The following MTCL1 variants were observed in gnomAD, a reference collection of about 807,000 sequenced individuals.
MTCL1 encodes microtubule cross-linking factor 1.
Under a neutral mutation model 141.4 loss-of-function variants are expected in MTCL1, and 79 were observed. The ratio of observed to expected loss-of-function variants is 0.56; its 90% CI spans 0.47 to 0.67. The LOEUF (loss-of-function observed/expected upper bound fraction) is 0.67. Among genes scored for constraint, MTCL1 ranks in the 30% least tolerant of loss-of-function variants. MTCL1 has a pLI of 0.00. For synonymous variants in MTCL1, 914 were observed against 875.8 expected, an observed-to-expected ratio of 1.04 and a Z score of -0.77; for missense variants, 2,177 against 2,113.9, an observed-to-expected ratio of 1.03 and a Z score of -0.59.
chr18:8,783,716 A>G lies in MTCL1; in HGVS notation c.604A>G (p.Thr202Ala), dbSNP rs201111042. ...GGGGGAAGCAGGCGGGCCCCCCAGC[A>G]CCCGGGAGGCCGAGCTGAAGCTGCG... The change falls in exon 6 of 17, where the codon ACC becomes GCC. Residue 202 changes from threonine to alanine, a missense_variant. Physicochemically the swap from Thr to Ala is moderately conservative, Grantham distance 58. Coordinates refer to ENST00000359865, the Ensembl canonical transcript of MTCL1. 9.6e-5 allele frequency: 154 copies of G among 1,606,934 alleles called. No individual in the cohort carries two copies. Among genetic ancestry groups the G allele is most frequent in the Non-Finnish European group, 1.1e-4 (134 of 1,176,796 alleles).
chr18:8,829,289 G>A (rs1372846668), intron 16 of MTCL1: 1 of 985,314 alleles, frequency 1.0e-6, no homozygotes, highest in Non-Finnish European at 1.2e-6. Context: ...GACATCCTAG[G>A]CACAGGGGTC....
chr18:8,784,678 C>T, exon 6 of MTCL1: 1 of 1,614,184 alleles, frequency 6.2e-7, no homozygotes, highest in Non-Finnish European at 8.5e-7. Flanking sequence ...TGAAGGCTTT[C>T]AAGAAAGAGC....
At chr18:8,742,039 CAA>C (rs56116437) in intron 4 of MTCL1, among the ~76,000 whole-genome samples, 1 of 139,422 alleles carries the variant, frequency 7.2e-6, no homozygotes, top group Admixed American at 7.0e-5. Flanking sequence ...TAATGCAGGG[CAA>C]AAAAAAAAAG....
intron 4 of MTCL1, among the ~76,000 whole-genome samples, chr18:8,756,023 GC>G (rs2096395738): frequency 6.6e-6 from 1 of 152,174 alleles, no homozygotes; most frequent in African/African-American, 2.4e-5. Context: ...TGTAATCCCA[GC>G]TACTCAGGAG....
At chr18:8,809,055 GAAGA>G (rs2076394427) in intron 11 of MTCL1, among the ~76,000 whole-genome samples, 2 of 152,156 alleles carry the variant, frequency 1.3e-5, no homozygotes, top group South Asian at 4.2e-4. Context: ...AAAGTATCAT[GAAGA>G]AAGGAGCATG....
upstream of MTCL1, among the ~76,000 whole-genome samples, chr18:8,715,736 A>C (rs972274970): frequency 1.3e-5 from 2 of 152,202 alleles, no homozygotes; most frequent in Non-Finnish European, 2.9e-5. Flanking sequence ...AAGAGTGACA[A>C]CCACAAGGCT....
intron 10 of MTCL1, among the ~76,000 whole-genome samples, chr18:8,803,912 G>A (rs924062216): frequency 6.6e-6 from 1 of 152,156 alleles, no homozygotes; most frequent in African/African-American, 2.4e-5. Flanking sequence ...TGTGGTGTAT[G>A]GGCCAAGAAC....
At chr18:8,727,873 T>C (rs960102571) in intron 4 of MTCL1, among the ~76,000 whole-genome samples, 6 of 147,752 alleles carry the variant, frequency 4.1e-5, no homozygotes, top group African/African-American at 5.0e-5. Flanking sequence ...TCTCTCTCTC[T>C]CCCTGCTTCC....
chr18:8,819,945 A>G (rs2076787800), intron 13 of MTCL1, among the ~76,000 whole-genome samples: 1 of 152,140 alleles, frequency 6.6e-6, no homozygotes, highest in Admixed American at 6.5e-5. Context: ...CAGTCTTCTG[A>G]GTCTAGAAAA....
chr18:8,743,495 G>A (rs150084646), intron 4 of MTCL1, among the ~76,000 whole-genome samples: 74 of 152,322 alleles, frequency 4.9e-4, no homozygotes, highest in Admixed American at 1.2e-3. Context: ...TAGTACTGTC[G>A]TTCAGATGTC....
chr18:8,765,868 C>T (rs1445977876), intron 4 of MTCL1, among the ~76,000 whole-genome samples: 4 of 152,212 alleles, frequency 2.6e-5, no homozygotes, highest in Non-Finnish European at 5.9e-5. Flanking sequence ...GGCAGAGCTT[C>T]CAGCAAACAG....
At chr18:8,715,039 G>T (rs1055550173), upstream of MTCL1, among the ~76,000 whole-genome samples, 1 of 152,030 alleles carries the variant, frequency 6.6e-6, no homozygotes, top group Non-Finnish European at 1.5e-5. Context: ...CTTGTGATCC[G>T]CCCGCCTCGG....
At chr18:8,757,704 G>C (rs921140548) in intron 4 of MTCL1, among the ~76,000 whole-genome samples, 3 of 152,146 alleles carry the variant, frequency 2.0e-5, no homozygotes, top group Non-Finnish European at 4.4e-5. Context: ...GCATTTTTGA[G>C]ATTTTTTTTT....
At chr18:8,800,782 T>A (rs1312546453) in intron 10 of MTCL1, 2 of 152,188 alleles carry the variant, frequency 1.3e-5, no homozygotes, top group African/African-American at 4.8e-5. Context: ...CACAAGGTGA[T>A]TAATGGTGTG....
intron 10 of MTCL1, chr18:8,801,651 G>A (rs967384363): frequency 6.6e-6 from 1 of 152,178 alleles, no homozygotes; most frequent in Non-Finnish European, 1.5e-5. Context: ...TTTGCCACAG[G>A]CCTTCCAAAG....
exon 15 of MTCL1, chr18:8,825,221 G>T (rs1442019514): frequency 1.3e-6 from 2 of 1,596,570 alleles, no homozygotes; most frequent in Non-Finnish European, 1.7e-6. Flanking sequence ...TGCTCAGCAG[G>T]TGGCCTTGCA....
At chr18:8,715,643 G>A (rs1255394815), upstream of MTCL1, among the ~76,000 whole-genome samples, 2 of 152,208 alleles carry the variant, frequency 1.3e-5, no homozygotes, top group African/African-American at 2.4e-5. Context: ...CTCAAAGTCT[G>A]ATCCATTAGT....
chr18:8,762,796 A>G (rs1396521222), intron 4 of MTCL1, among the ~76,000 whole-genome samples: 1 of 152,196 alleles, frequency 6.6e-6, no homozygotes, highest in Non-Finnish European at 1.5e-5. Flanking sequence ...CAGGAAAAGC[A>G]GGAGGACTGA....
chr18:8,736,361 C>T (rs540738323), intron 4 of MTCL1, among the ~76,000 whole-genome samples: 8 of 152,244 alleles, frequency 5.3e-5, no homozygotes, highest in Non-Finnish European at 1.0e-4. Context: ...GTCAAAAATG[C>T]ATTTAATACA....
Sources: gnomAD v4.1 joint callset for allele counts (sites outside exome capture counted in the v4.1 genomes callset) on GRCh38, gnomAD v4.1.1 for gene constraint, MANE v1.5 for transcripts, NCBI Gene and HGNC (gene_info 2026-07-23, HGNC 2026-07-21) for gene names.